The following SNTA1 variants were observed in gnomAD, a reference collection of about 807,000 sequenced individuals.
SNTA1 encodes the protein syntrophin alpha 1, also known as alpha-1-syntrophin.
SNTA1 carries 31 observed loss-of-function variants against 47.1 expected under a neutral mutation model. The ratio of observed to expected loss-of-function variants is 0.66; its 90% confidence interval spans 0.49 to 0.89. The LOEUF (loss-of-function observed/expected upper bound fraction) is 0.89, where lower values mean the gene tolerates loss of function less well. Among genes scored for constraint, SNTA1 ranks in the 40% least tolerant of loss-of-function variants. The pLI is 0.00. For missense variants in SNTA1, 575 were observed against 693.0 expected, an observed-to-expected ratio of 0.83 and a Z score of 1.91; for synonymous variants, 300 against 313.6, an observed-to-expected ratio of 0.96 and a Z score of 0.46.
chr20:33,417,990 CTAAT>C (rs1289518779), intron 2 of SNTA1, 67 bp from the exon 3 acceptor site: 11 of 1,056,026 alleles, frequency 1.0e-5, no homozygotes, highest in Admixed American at 3.5e-5. Context: ...ACAATTGTCA[CTAAT>C]TTATTAAGAG....
chr20:33,414,277 AAAAC>A (rs1324648589), intron 3 of SNTA1, among the ~76,000 whole-genome samples: 1 of 147,256 alleles, frequency 6.8e-6, no homozygotes, highest in Non-Finnish European at 1.5e-5. Context: ...AAAAAACAGA[AAAAC>A]AAAACAACAA....
At chr20:33,410,601 T>A (rs1455110004) in intron 5 of SNTA1, among the ~76,000 whole-genome samples, 1 of 152,152 alleles carries the variant, frequency 6.6e-6, no homozygotes, top group African/African-American at 2.4e-5. Flanking sequence ...CCTCTGCCTA[T>A]ACATGCTTCC....
At chr20:33,421,957 CAAAAAAAAAA>C (rs34754645) in intron 2 of SNTA1, among the ~76,000 whole-genome samples, 1 of 70,042 alleles carries the variant, frequency 1.4e-5, no homozygotes, top group Non-Finnish European at 2.6e-5. Context: ...ACCCTGTCTC[CAAAAAAAAAA>C]AAAAAAAAAA....
At chr20:33,425,768 T>C (rs974621790) in intron 2 of SNTA1, among the ~76,000 whole-genome samples, 6 of 151,812 alleles carry the variant, frequency 4.0e-5, no homozygotes, top group Admixed American at 6.6e-5. Context: ...GAGCCTCTGT[T>C]TCCTTATTTT....
At chr20:33,415,032 A>G (rs1274736309) in intron 3 of SNTA1, among the ~76,000 whole-genome samples, 5 of 152,190 alleles carry the variant, frequency 3.3e-5, no homozygotes, top group Admixed American at 2.0e-4. Flanking sequence ...TGACTGGGAT[A>G]CTGCACTGAC....
chr20:33,423,278 G>A (rs1284812972), intron 2 of SNTA1, among the ~76,000 whole-genome samples: 1 of 152,160 alleles, frequency 6.6e-6, no homozygotes, highest in Non-Finnish European at 1.5e-5. Context: ...AGTGGGGGTG[G>A]GGTCCTGGGG....
chr20:33,423,643 T>C (rs111321468), intron 2 of SNTA1, among the ~76,000 whole-genome samples: 2 of 152,144 alleles, frequency 1.3e-5, no homozygotes, highest in African/African-American at 2.4e-5. Context: ...GAGCCAGGAA[T>C]AGATTCCACT....
In SNTA1 at chr20:33,412,619, C is replaced by T. The variant is rs1290897335; in HGVS notation, c.865G>A (p.Ala289Thr). ...LQALLAATST[A>T]GSQDIKQIGW... is the part of the protein sequence containing the mutation. ...ATCTGCTTGATGTCCTGGCTCCCAG[C>T]TGTGCTGGTGGCTGCCAACAGTGCC... Residue 289 changes from alanine (A) to threonine (T), a missense_variant, in exon 4 of 8, where the codon GCT becomes ACT. Coordinates refer to ENST00000217381, the MANE Select transcript of SNTA1 (RefSeq NM_003098.3). The T allele has an allele frequency of 1.9e-6, 3 of 1,613,872 alleles. No homozygotes were observed. The African/African-American group carries it at 4.0e-5, about 22-fold the overall frequency.
At chr20:33,416,138 C>T (rs6088214) in intron 3 of SNTA1, among the ~76,000 whole-genome samples, 65,048 of 152,046 alleles carry the variant, frequency 0.43, 14,729 homozygotes, top group Non-Finnish European at 0.51. Flanking sequence ...TTTTTTAGAG[C>T]ATCGGCAAGT....
rs1203117110 is a variant in SNTA1, at chr20:33,412,320, CG to C, written c.1015del (p.Arg339ValfsTer148). 2.5e-6 allele frequency: 4 copies of C among 1,611,660 alleles called. No individual in the cohort carries two copies. Among genetic ancestry groups the C allele is most frequent in the Non-Finnish European group, 2.5e-6 (3 of 1,179,484 alleles). On this transcript the variant is annotated frameshift_variant, in exon 5 of 8. Coordinates refer to ENST00000217381, the MANE Select transcript of SNTA1 (RefSeq NM_003098.3). LOFTEE classifies it high-confidence loss of function. ...CCTGGTGGCGATGAGTGGGGCAGTA[CG>C]GGCTGGCCGGCTCAGGGCCTCGCGG... Reference protein sequence around the residue: ...ETREALSRPARTAPLIATRLV... With the variant: ...ETREALSRPAXTAPLIATRLV...
chr20:33,436,310 C>T (rs1443246814), intron 2 of SNTA1, among the ~76,000 whole-genome samples: 1 of 152,132 alleles, frequency 6.6e-6, no homozygotes. Flanking sequence ...AACTTTCAAA[C>T]AACAGAAGCT....
chr20:33,426,324 GC>G lies in SNTA1; in HGVS notation c.497-8402del, dbSNP rs539212673. ...AAATTAGCCAGGTGTGGTGGCACAC[GC>G]CTGTAATCCCAGCTACTTGGGAGGC... On this transcript the variant is annotated intron_variant, in intron 2 of 7. Transcript: ENST00000217381. Among the ~76,000 whole-genome samples, 27 of 149,594 alleles carry G rather than the reference GC, an allele frequency of 1.8e-4. No individual in the cohort carries two copies. In the East Asian group the frequency reaches 5.5e-3, roughly 30 times the overall value.
chr20:33,443,459 G>A lies in SNTA1; in HGVS notation c.162C>T (p.Gly54=), dbSNP rs544127915. ...GCGCGGGCTCCTGCTCCCGCGGAGC[G>A]CCGGGCTCGGGACCAGGGTCGCCGT... ...PADGDPGPEP[G]APREQEPAQL... is the part of the protein sequence containing the mutation. Residue 54 remains glycine (G), a synonymous_variant, in exon 1 of 8, where the codon GGC becomes GGT. Coordinates refer to ENST00000217381, the MANE Select transcript of SNTA1 (RefSeq NM_003098.3). The A allele has an allele frequency of 1.2e-5, 17 of 1,368,528 alleles. No individual in the cohort carries two copies. In the East Asian group the frequency reaches 4.3e-4, roughly 34 times the overall value. The allele number at this position is 1,368,528 out of a possible 1,614,324, so 84.8% of individuals were successfully genotyped here. A position where few individuals can be genotyped will look rare whatever the true frequency, so the allele number is the denominator to read the frequency against.
intron 1 of SNTA1, among the ~76,000 whole-genome samples, chr20:33,442,849 C>T (rs74656734): frequency 0.14 from 21,027 of 152,022 alleles, 1,811 homozygotes; most frequent in East Asian, 0.37. Flanking sequence ...TGTGCCTGCA[C>T]CCAGGCCTCC....
At chr20:33,409,063 C>G (rs555512195) in intron 6 of SNTA1, among the ~76,000 whole-genome samples, 175 bp from the exon 7 acceptor site, 124 of 151,672 alleles carry the variant, frequency 8.2e-4, no homozygotes, top group Admixed American at 1.6e-3. Flanking sequence ...CCCCCACCCT[C>G]AGAGGACCTA....
At position 33,443,644 on chromosome 20, in the gene SNTA1, G is replaced by A. The variant is rs1334224781; in HGVS notation, c.-24C>T. 8.4e-7 allele frequency: 1 copy of A among 1,190,568 alleles called. No homozygotes were observed. The highest frequency in any genetic ancestry group is 1.0e-6 in the Non-Finnish European group (1 of 959,926). 73.8% of individuals were successfully genotyped at this position (1,190,568 alleles called of 1,614,324 possible). ...ATCTTCGCCTCCGAGCCCCCGGGCC[G>A]CCGCGCTCGCCCTGTCCCGCTTTGC... On this transcript the variant is annotated 5_prime_UTR_variant, in exon 1 of 8. Coordinates refer to ENST00000217381, the MANE Select transcript of SNTA1 (RefSeq NM_003098.3).
chr20:33,425,947 A>C (rs550546854), intron 2 of SNTA1, among the ~76,000 whole-genome samples: 1 of 150,910 alleles, frequency 6.6e-6, no homozygotes, highest in South Asian at 2.1e-4. Flanking sequence ...ATGGTGGTAC[A>C]TGCCTATAAT....
chr20:33,432,845 G>T (rs79450984), intron 2 of SNTA1, among the ~76,000 whole-genome samples: 1 of 152,152 alleles, frequency 6.6e-6, no homozygotes, highest in African/African-American at 2.4e-5. Context: ...GGGCAACAGA[G>T]TGAGATCCTA....
At chr20:33,435,944 C>A (rs971730689) in intron 2 of SNTA1, among the ~76,000 whole-genome samples, 1 of 152,030 alleles carries the variant, frequency 6.6e-6, no homozygotes, top group Non-Finnish European at 1.5e-5. Flanking sequence ...CGTGTAATCC[C>A]AGCACTTTGG....
Sources: allele counts gnomAD v4.1 joint callset (sites outside exome capture counted in the v4.1 genomes callset), GRCh38; gene constraint gnomAD v4.1.1; transcripts MANE v1.5; gene names NCBI Gene and HGNC (gene_info 2026-07-23, HGNC 2026-07-21).